MYO3B: variants seen among roughly 807,000 people sequenced by gnomAD.
MYO3B encodes the protein myosin-IIIb.
A neutral mutation model predicts 174.6 loss-of-function variants in MYO3B; 156 were observed. That is an observed-to-expected ratio of 0.89 (90% CI 0.78 to 1.02). The LOEUF (loss-of-function observed/expected upper bound fraction) is 1.02. MYO3B is among the 50% of genes least tolerant of loss of function. The pLI is 0.00. For synonymous variants in MYO3B, 563 were observed against 569.1 expected (o/e 0.99, Z 0.15); for missense variants, 1,632 against 1,639.4 (o/e 1.00, Z 0.08).
intron 32 of MYO3B, among the ~76,000 whole-genome samples, chr2:170,618,639 G>T (rs984269233): frequency 6.6e-6 from 1 of 152,080 alleles, no homozygotes; most frequent in South Asian, 2.1e-4. Context: ...GTGAAAGCTG[G>T]GTCCAGGGGG....
intron 32 of MYO3B, among the ~76,000 whole-genome samples, chr2:170,645,494 G>C (rs904307918): frequency 6.9e-6 from 1 of 145,190 alleles, no homozygotes; most frequent in African/African-American, 2.5e-5. Flanking sequence ...AAAAAAAAGT[G>C]AATGTTCAAA....
chr2:170,483,375 C>CTTTTTTTT (rs61527598), intron 25 of MYO3B, among the ~76,000 whole-genome samples: 1,534 of 62,100 alleles, frequency 0.025, 210 homozygotes, highest in Non-Finnish European at 0.035. Context: ...CTTGGGGATT[C>CTTTTTTTT]TTTTTTTTTT....
In MYO3B at chr2:170,241,489, C is replaced by T. The variant is rs188294068; in HGVS notation, c.749+5353C>T. Reference sequence around the variant, plus strand: ...ACCCTAGGACGCCTTAAACTTTGTTCGTCCAGACTCAGGCTTGGGTTGGGT... The same window carrying T: ...ACCCTAGGACGCCTTAAACTTTGTTTGTCCAGACTCAGGCTTGGGTTGGGT... On this transcript the variant is annotated intron_variant, in intron 7 of 34. Transcript: ENST00000408978. Among the ~76,000 whole-genome samples, 828 of 152,336 alleles carry T rather than the reference C, an allele frequency of 5.4e-3. 6 individuals are homozygous for T. The highest frequency in any genetic ancestry group is 7.7e-3 in the Non-Finnish European group (527 of 68,022).
intron 8 of MYO3B, among the ~76,000 whole-genome samples, chr2:170,342,587 T>C (rs1156909772): frequency 6.6e-6 from 1 of 152,184 alleles, no homozygotes; most frequent in Admixed American, 6.5e-5. Context: ...AAATTGGGGC[T>C]AGAGTAGTAT....
chr2:170,651,565 A>G (rs1699011441), intron 32 of MYO3B, 63 bp from the exon 33 acceptor site: 1 of 1,363,016 alleles, frequency 7.3e-7, no homozygotes, highest in African/African-American at 1.4e-5. Context: ...GTGAAGAGCC[A>G]TTTTTCACTT....
intron 32 of MYO3B, among the ~76,000 whole-genome samples, chr2:170,563,802 C>A (rs968861097): frequency 1.3e-5 from 2 of 152,162 alleles, no homozygotes; most frequent in Admixed American, 1.3e-4. Context: ...ACTGCTGGAG[C>A]TCCAGCCATC....
At chr2:170,633,721 T>C (rs1697226231) in intron 32 of MYO3B, among the ~76,000 whole-genome samples, 1 of 152,176 alleles carries the variant, frequency 6.6e-6, no homozygotes, top group African/African-American at 2.4e-5. Flanking sequence ...AAAACCCCAT[T>C]GTCTCAGCCC....
At chr2:170,517,423 G>C (rs935972323) in intron 29 of MYO3B, among the ~76,000 whole-genome samples, 1 of 152,128 alleles carries the variant, frequency 6.6e-6, no homozygotes, top group Non-Finnish European at 1.5e-5. Context: ...TTCATAAGGA[G>C]AGTCCCAAAC....
chr2:170,272,207 A>G (rs1002522809), intron 7 of MYO3B, among the ~76,000 whole-genome samples: 1 of 152,034 alleles, frequency 6.6e-6, no homozygotes, highest in Non-Finnish European at 1.5e-5. Context: ...CACAGGCCCT[A>G]GCCTAGACTG....
intron 1 of MYO3B, among the ~76,000 whole-genome samples, chr2:170,194,154 C>T (rs934093276): frequency 1.3e-5 from 2 of 152,114 alleles, no homozygotes; most frequent in Non-Finnish European, 2.9e-5. Context: ...TGTCTTTATA[C>T]TTCAACAACA....
chr2:170,246,041 T>C (rs1244597910), intron 7 of MYO3B, among the ~76,000 whole-genome samples: 1 of 152,236 alleles, frequency 6.6e-6, no homozygotes, highest in Non-Finnish European at 1.5e-5. Context: ...ATACAATTAA[T>C]TTTACAAATA....
At chr2:170,652,175 T>G in intron 34 of MYO3B, 21 bp downstream of exon 34, 8 of 1,610,830 alleles carry the variant, frequency 5.0e-6, no homozygotes, top group Non-Finnish European at 6.8e-6. Context: ...GTCTTCTTAG[T>G]TCTAAGCAAC....
intron 25 of MYO3B, among the ~76,000 whole-genome samples, chr2:170,469,491 C>T (rs1684840895): frequency 6.6e-6 from 1 of 152,118 alleles, no homozygotes; most frequent in African/African-American, 2.4e-5. Context: ...AAACTCTTCC[C>T]TCTTCTCTTT....
At chr2:170,578,703 A>G (rs950540140) in intron 32 of MYO3B, among the ~76,000 whole-genome samples, 3 of 152,278 alleles carry the variant, frequency 2.0e-5, no homozygotes, top group African/African-American at 7.2e-5. Flanking sequence ...TGCTAAAAAA[A>G]TATTTCCGAT....
chr2:170,627,689 C>G (rs1357923127), intron 32 of MYO3B, among the ~76,000 whole-genome samples: 1 of 152,044 alleles, frequency 6.6e-6, no homozygotes, highest in East Asian at 1.9e-4. Flanking sequence ...GTTTATCTAC[C>G]TTTGGTCTTT....
intron 30 of MYO3B, among the ~76,000 whole-genome samples, chr2:170,541,699 C>T (rs1690117810): frequency 6.6e-6 from 1 of 152,040 alleles, no homozygotes; most frequent in African/African-American, 2.4e-5. Flanking sequence ...TTCAAATGGT[C>T]AATATTTACT....
At chr2:170,556,017 G>A (rs990165102) in intron 32 of MYO3B, among the ~76,000 whole-genome samples, 11 of 152,110 alleles carry the variant, frequency 7.2e-5, no homozygotes, top group South Asian at 6.2e-4. Context: ...GAAACATGAC[G>A]AAACACTGTC....
In MYO3B at chr2:170,401,568, G is replaced by A. The variant is rs373194284; in HGVS notation, c.2006G>A (p.Arg669His). The A allele has an allele frequency of 1.3e-5, 21 of 1,614,002 alleles. No homozygotes were observed. Among genetic ancestry groups the A allele is most frequent in the African/African-American group, 1.2e-4 (9 of 74,904 alleles). Residue 669 changes from arginine to histidine, a missense_variant, in exon 18 of 35, where the codon CGT becomes CAT. By Grantham distance (29) the Arg-to-His change is conservative. Transcript: ENST00000408978. ...CVVTRGETII[R>H]ANTVDRAADV... ...GTCACCCGGGGCGAGACCATCATCC[G>A]TGCCAACACTGTAGACAGGGCTGCG...
intron 9 of MYO3B, among the ~76,000 whole-genome samples, chr2:170,375,721 G>GCATGCA (rs1553476219): frequency 1.6e-4 from 24 of 148,712 alleles, no homozygotes; most frequent in Non-Finnish European, 2.1e-4. Context: ...GTGCATGCAT[G>GCATGCA]CACACACACA....
Sources: allele counts gnomAD v4.1 joint callset (sites outside exome capture counted in the v4.1 genomes callset), GRCh38; gene constraint gnomAD v4.1.1; transcripts MANE v1.5; gene names NCBI Gene and HGNC (gene_info 2026-07-23, HGNC 2026-07-21).